Variants in PRKN observed in about 807,000 individuals in gnomAD.
PRKN encodes the protein parkin RBR E3 ubiquitin protein ligase.
In PRKN, 56 loss-of-function variants were observed where a neutral mutation model predicts 59.5. The ratio of observed to expected loss-of-function variants is 0.94; its 90% confidence interval spans 0.76 to 1.18. The LOEUF (loss-of-function observed/expected upper bound fraction) is 1.18, where lower values mean the gene tolerates loss of function less well. Among genes scored for constraint, PRKN ranks in the 50% most tolerant of loss-of-function variants. The pLI, the probability that PRKN is intolerant of heterozygous loss-of-function variation, is 0.00. For synonymous variants in PRKN, 250 were observed against 222.1 expected (o/e 1.13, Z -1.12); for missense variants, 657 against 596.4 (o/e 1.10, Z -1.06).
At chr6:162,603,129 G>C (rs1199504528) in intron 1 of PRKN, among the ~76,000 whole-genome samples, 2 of 152,092 alleles carry the variant, frequency 1.3e-5, no homozygotes, top group Admixed American at 1.3e-4. Context: ...TATAACTCAG[G>C]GAAGAGTTCC....
intron 6 of PRKN, among the ~76,000 whole-genome samples, chr6:161,802,481 C>T (rs923865099): frequency 6.6e-6 from 1 of 151,740 alleles, no homozygotes; most frequent in African/African-American, 2.4e-5. Flanking sequence ...ACGCCCCCCA[C>T]ACACCCCACA....
At chr6:161,398,039 C>T (rs898786508) in intron 9 of PRKN, among the ~76,000 whole-genome samples, 1 of 151,992 alleles carries the variant, frequency 6.6e-6, no homozygotes, top group Admixed American at 6.6e-5. Flanking sequence ...GAGTGAAGTC[C>T]CAGAGAAAGT....
At chr6:162,398,861 A>T (rs934128502) in intron 2 of PRKN, among the ~76,000 whole-genome samples, 1 of 152,198 alleles carries the variant, frequency 6.6e-6, no homozygotes, top group Non-Finnish European at 1.5e-5. Context: ...TCTATTTAAG[A>T]GGGCTATTTT....
At chr6:161,946,965 G>A (rs1196708147) in intron 6 of PRKN, among the ~76,000 whole-genome samples, 1 of 152,138 alleles carries the variant, frequency 6.6e-6, no homozygotes, top group Non-Finnish European at 1.5e-5. Flanking sequence ...CCAAATTGCT[G>A]AACACTTCTG....
chr6:161,741,949 T>C (rs991994782), intron 7 of PRKN, among the ~76,000 whole-genome samples: 4 of 78,908 alleles, frequency 5.1e-5, no homozygotes, highest in Non-Finnish European at 1.2e-4. Context: ...GGGATTTATT[T>C]ATTTATTTAT....
chr6:162,051,278 C>G (rs28580413), intron 5 of PRKN, among the ~76,000 whole-genome samples: 3 of 152,018 alleles, frequency 2.0e-5, no homozygotes, highest in Admixed American at 1.3e-4. Flanking sequence ...GCCGTCTATG[C>G]GAGATTCTTC....
chr6:161,876,398 A>C (rs1461103180), intron 6 of PRKN, among the ~76,000 whole-genome samples: 1 of 152,102 alleles, frequency 6.6e-6, no homozygotes, highest in African/African-American at 2.4e-5. Context: ...TGAAGCCTCG[A>C]CCTTCTGGGC....
At chr6:162,502,864 T>C (rs1793433958) in intron 1 of PRKN, among the ~76,000 whole-genome samples, 1 of 152,136 alleles carries the variant, frequency 6.6e-6, no homozygotes, top group African/African-American at 2.4e-5. Context: ...AGAACCAGTG[T>C]CTCTGGATCC....
chr6:162,264,902 G>T (rs745562280), intron 2 of PRKN, among the ~76,000 whole-genome samples: 1 of 152,074 alleles, frequency 6.6e-6, no homozygotes, highest in Non-Finnish European at 1.5e-5. Context: ...GGCACCAACA[G>T]TTAGCAATTC....
intron 1 of PRKN, among the ~76,000 whole-genome samples, chr6:162,586,181 G>A (rs181461237): frequency 6.6e-6 from 1 of 152,262 alleles, no homozygotes; most frequent in African/African-American, 2.4e-5. Context: ...GGGGAAAGTT[G>A]TATATAAGTT....
intron 1 of PRKN, among the ~76,000 whole-genome samples, chr6:162,580,942 C>A (rs1179710124): frequency 6.6e-6 from 1 of 152,126 alleles, no homozygotes; most frequent in Non-Finnish European, 1.5e-5. Flanking sequence ...ACTAAAAATA[C>A]AATGGAATGT....
At chr6:162,281,336 A>G (rs1185436337) in intron 2 of PRKN, among the ~76,000 whole-genome samples, 1 of 152,134 alleles carries the variant, frequency 6.6e-6, no homozygotes, top group African/African-American at 2.4e-5. Context: ...TGACGGGTGC[A>G]GCAAACCACC....
At chr6:161,985,258 T>C (rs1006433152) in intron 5 of PRKN, among the ~76,000 whole-genome samples, 1 of 152,232 alleles carries the variant, frequency 6.6e-6, no homozygotes, top group South Asian at 2.1e-4. Context: ...AGGTTTCACA[T>C]GCTCTCATAA....
At chr6:162,053,469 T>C (rs189107388) in intron 5 of PRKN, among the ~76,000 whole-genome samples, 38 of 152,186 alleles carry the variant, frequency 2.5e-4, no homozygotes, top group African/African-American at 8.9e-4. Flanking sequence ...AATAACAAAA[T>C]TAACTTAAAA....
intron 1 of PRKN, among the ~76,000 whole-genome samples, chr6:162,581,321 A>C (rs1780781673): frequency 6.6e-6 from 1 of 152,252 alleles, no homozygotes; most frequent in South Asian, 2.1e-4. Context: ...CAAGGTAGTT[A>C]TATGGCAATT....
chr6:161,679,013 TGCATG>T (rs1785198900), intron 7 of PRKN, among the ~76,000 whole-genome samples: 2 of 152,178 alleles, frequency 1.3e-5, no homozygotes, highest in Non-Finnish European at 2.9e-5. Context: ...CACACGCACA[TGCATG>T]TGTGTGCAGG....
At chr6:162,674,003 T>C (rs893170529) in intron 1 of PRKN, among the ~76,000 whole-genome samples, 6 of 152,176 alleles carry the variant, frequency 3.9e-5, no homozygotes, top group Admixed American at 6.5e-5. Flanking sequence ...GGAGCTCTTA[T>C]GAGAGCATCA....
chr6:162,001,287 T>A (rs1270696428), intron 5 of PRKN, among the ~76,000 whole-genome samples: 1 of 151,630 alleles, frequency 6.6e-6, no homozygotes, highest in Non-Finnish European at 1.5e-5. Context: ...ACGGGCTATT[T>A]CTCCATTTAT....
chr6:162,672,055 A>T (rs2128230423), intron 1 of PRKN, among the ~76,000 whole-genome samples: 1 of 152,264 alleles, frequency 6.6e-6, no homozygotes, highest in African/African-American at 2.4e-5. Flanking sequence ...GAAGCTCCAG[A>T]AATCAGGCAG....
Sources: gnomAD v4.1 joint callset for allele counts (sites outside exome capture counted in the v4.1 genomes callset) on GRCh38, gnomAD v4.1.1 for gene constraint, MANE v1.5 for transcripts, NCBI Gene and HGNC (gene_info 2026-07-23, HGNC 2026-07-21) for gene names.